FTO: variants seen among roughly 807,000 people sequenced by gnomAD.
FTO encodes the protein alpha-ketoglutarate-dependent dioxygenase FTO.
A neutral mutation model predicts 63.9 loss-of-function variants in FTO; 47 were observed. That is an observed-to-expected ratio of 0.74 (90% CI 0.58 to 0.94). FTO has a LOEUF of 0.94. FTO is among the 40% of genes least tolerant of loss of function. The probability of loss-of-function intolerance (pLI) is 0.00; values close to 1 mark genes in which losing one functional copy is unlikely to be tolerated. For synonymous variants in FTO, 207 were observed against 224.4 expected (o/e 0.92, Z 0.69); for missense variants, 562 against 618.1 (o/e 0.91, Z 0.96).
chr16:54,046,356 C>T, intron 8 of FTO, among the ~76,000 whole-genome samples: 1 of 61,508 alleles, frequency 1.6e-5, no homozygotes, highest in South Asian at 7.1e-4. Context: ...AACTCCCATT[C>T]ACAATTGCTT....
At chr16:53,842,738 A>G (rs1030506495) in intron 3 of FTO, among the ~76,000 whole-genome samples, 3 of 152,142 alleles carry the variant, frequency 2.0e-5, no homozygotes, top group South Asian at 2.1e-4. Context: ...CACTGGTGCT[A>G]TCACAACTCA....
chr16:54,108,834 A>G (rs555450814), intron 8 of FTO, among the ~76,000 whole-genome samples: 1 of 152,274 alleles, frequency 6.6e-6, no homozygotes, highest in Admixed American at 6.5e-5. Context: ...GCCCCTGGAG[A>G]GCAGCAATTC....
chr16:54,074,985 C>A (rs1206749461), intron 8 of FTO, among the ~76,000 whole-genome samples: 1 of 149,528 alleles, frequency 6.7e-6, no homozygotes, highest in African/African-American at 2.5e-5. Context: ...GTTTAGAAAA[C>A]CAGCACAGTA....
intron 1 of FTO, among the ~76,000 whole-genome samples, chr16:53,761,335 CAA>C (rs2077064975): frequency 6.6e-6 from 1 of 151,754 alleles, no homozygotes; most frequent in South Asian, 2.1e-4. Flanking sequence ...CTCCTGGGCT[CAA>C]GAGATTCTCC....
chr16:53,725,185 C>T (rs1334083560), intron 1 of FTO, among the ~76,000 whole-genome samples: 1 of 152,090 alleles, frequency 6.6e-6, no homozygotes, highest in Non-Finnish European at 1.5e-5. Flanking sequence ...TGTATTAGTT[C>T]ACGTTATACT....
intron 8 of FTO, among the ~76,000 whole-genome samples, chr16:53,944,793 A>C (rs572729047): frequency 6.6e-6 from 1 of 152,366 alleles, no homozygotes; most frequent in East Asian, 1.9e-4. Flanking sequence ...TAGGTGTTCA[A>C]TAAAAATGAC....
chr16:53,918,278 C>T (rs561016068), intron 7 of FTO, among the ~76,000 whole-genome samples: 1 of 152,300 alleles, frequency 6.6e-6, no homozygotes, highest in Admixed American at 6.5e-5. Flanking sequence ...AAGGTAGAGC[C>T]TACTACACAC....
intron 2 of FTO, among the ~76,000 whole-genome samples, chr16:53,820,322 T>A (rs2078824032): frequency 6.6e-6 from 1 of 152,104 alleles, no homozygotes; most frequent in South Asian, 2.1e-4. Flanking sequence ...AGTACTATCT[T>A]CTTTTAGGAG....
At chr16:53,976,590 TAGTC>T (rs1356241718) in intron 8 of FTO, among the ~76,000 whole-genome samples, 1 of 152,120 alleles carries the variant, frequency 6.6e-6, no homozygotes, top group African/African-American at 2.4e-5. Flanking sequence ...TAGATTCCGA[TAGTC>T]AGATTCCATA....
chr16:54,068,794 T>C (rs1203559907), intron 8 of FTO, among the ~76,000 whole-genome samples: 1 of 152,174 alleles, frequency 6.6e-6, no homozygotes, highest in Non-Finnish European at 1.5e-5. Flanking sequence ...GCTATTGACA[T>C]ATATCTCTCT....
chr16:54,034,447 G>A (rs2084898785), intron 8 of FTO, among the ~76,000 whole-genome samples: 1 of 152,132 alleles, frequency 6.6e-6, no homozygotes, highest in Admixed American at 6.6e-5. Flanking sequence ...GTTGGCATGA[G>A]TACATTGGAA....
chr16:53,962,907 C>T lies in FTO; in HGVS notation c.1364+28798C>T, dbSNP rs113528662. On this transcript the variant is annotated intron_variant, in intron 8 of 8. Transcript: ENST00000471389. Reference sequence around the variant, plus strand: ...GAAAATGAAAGAAGCATTAGTCTTTCGTTTATATATGAGATGGGTAGATTA... The same window carrying T: ...GAAAATGAAAGAAGCATTAGTCTTTTGTTTATATATGAGATGGGTAGATTA... 5.3e-3 allele frequency among the ~76,000 whole-genome samples: 804 copies of T among 152,062 alleles called. 18 individuals are homozygous for T. The highest frequency in any genetic ancestry group is 0.03 in the Admixed American group (451 of 15,288).
chr16:53,780,582 C>T (rs1379873981), intron 1 of FTO, among the ~76,000 whole-genome samples: 1 of 152,134 alleles, frequency 6.6e-6, no homozygotes, highest in Non-Finnish European at 1.5e-5. Context: ...ATTGGTCAGG[C>T]TGGTCTTGAA....
chr16:53,713,359 G>A (rs1215014364), intron 1 of FTO, among the ~76,000 whole-genome samples: 2 of 152,120 alleles, frequency 1.3e-5, no homozygotes, highest in African/African-American at 2.4e-5. Flanking sequence ...TATTTAAAGT[G>A]TGACTTTCTA....
intron 7 of FTO, among the ~76,000 whole-genome samples, chr16:53,893,966 G>A (rs958895773): frequency 4.6e-5 from 7 of 152,230 alleles, no homozygotes; most frequent in African/African-American, 1.4e-4. Flanking sequence ...TAATGTATCC[G>A]TTTGGAAACA....
At chr16:54,017,855 G>A (rs921441687) in intron 8 of FTO, among the ~76,000 whole-genome samples, 2 of 151,858 alleles carry the variant, frequency 1.3e-5, no homozygotes, top group African/African-American at 2.4e-5. Flanking sequence ...AGCCTCGCCC[G>A]CAAATTGTAC....
intron 8 of FTO, among the ~76,000 whole-genome samples, chr16:54,053,985 G>A (rs1257429810): frequency 6.6e-6 from 1 of 151,746 alleles, no homozygotes; most frequent in Non-Finnish European, 1.5e-5. Flanking sequence ...CTGCAGCTCC[G>A]ATTCCCCGTG....
intron 1 of FTO, among the ~76,000 whole-genome samples, chr16:53,761,819 G>A (rs2077079721): frequency 6.6e-6 from 1 of 152,152 alleles, no homozygotes; most frequent in East Asian, 1.9e-4. Flanking sequence ...TTACCTTACG[G>A]CTCCTTATGG....
At chr16:53,863,673 G>A (rs1598855995) in intron 4 of FTO, among the ~76,000 whole-genome samples, 1 of 152,338 alleles carries the variant, frequency 6.6e-6, no homozygotes, top group African/African-American at 2.4e-5. Context: ...GCTACAGTGA[G>A]TATCACAGGT....
Sources: allele counts gnomAD v4.1 joint callset (sites outside exome capture counted in the v4.1 genomes callset), GRCh38; gene constraint gnomAD v4.1.1; transcripts MANE v1.5; gene names NCBI Gene and HGNC (gene_info 2026-07-23, HGNC 2026-07-21).